DUSP22: variants seen among roughly 807,000 people sequenced by gnomAD.
The protein encoded by DUSP22 is dual specificity protein phosphatase 22.
A neutral mutation model predicts 24.5 loss-of-function variants in DUSP22; 24 were observed. The observed-to-expected ratio is 0.98, with a 90% CI of 0.71 to 1.38. DUSP22 has a LOEUF of 1.38. DUSP22 is among the 40% of genes most tolerant of loss of function. DUSP22 has a pLI of 0.00. For missense variants in DUSP22, 330 were observed against 269.2 expected (o/e 1.23, Z -1.58); for synonymous variants, 160 against 106.4 (o/e 1.50, Z -3.10).
intron 6 of DUSP22, 66 bp from the exon 7 acceptor site, chr6:348,703 C>G (rs1760006575): frequency 3.7e-6 from 6 of 1,601,092 alleles, no homozygotes; most frequent in South Asian, 1.1e-5. Flanking sequence ...GTCACAGGTG[C>G]AAGCCCACGT....
intron 1 of DUSP22, among the ~76,000 whole-genome samples, chr6:302,725 T>C (rs1757640973): frequency 6.6e-6 from 1 of 152,308 alleles, no homozygotes; most frequent in South Asian, 2.1e-4. Context: ...CTAGTGATTA[T>C]AACTGTAGAG....
Position 348,243 on chromosome 6 carries a change from T to G in DUSP22, c.404T>G (p.Leu135Arg). 1 of 1,614,312 alleles carries G rather than the reference T, an allele frequency of 6.2e-7. No homozygotes were observed. The highest frequency in any genetic ancestry group is 8.5e-7 in the Non-Finnish European group (1 of 1,180,060). Residue 135 changes from leucine to arginine, a missense_variant, in exon 6 of 7, where the codon CTC becomes CGC. Leu to Arg is a moderately radical substitution (Grantham distance 102). Transcript: ENST00000419235. ...ANPNVGFQRQ[L>R]QEFEKHEVHQ... The stretch of plus-strand genomic sequence containing the variant: ...CCCAACGTGGGCTTCCAGAGACAGC[T>G]CCAGGAGTTTGAGAAGCATGAGGTC...
intron 3 of DUSP22, among the ~76,000 whole-genome samples, chr6:314,721 T>C (rs1434762492): frequency 1.3e-5 from 2 of 152,302 alleles, no homozygotes; most frequent in Admixed American, 6.5e-5. Context: ...CGGGAGACAT[T>C]GTATGTGCTT....
At chr6:303,550 G>A (rs1757681548) in intron 1 of DUSP22, among the ~76,000 whole-genome samples, 1 of 152,308 alleles carries the variant, frequency 6.6e-6, no homozygotes, top group Non-Finnish European at 1.5e-5. Context: ...TTCCTCAGTG[G>A]GAGTGAAGGA....
chr6:296,180 C>T (rs1288690291), intron 1 of DUSP22, among the ~76,000 whole-genome samples: 1 of 152,304 alleles, frequency 6.6e-6, no homozygotes, highest in Non-Finnish European at 1.5e-5. Flanking sequence ...AGGCAAGAAA[C>T]TAAAACTTTT....
At chr6:309,417 C>T (rs928621449) in intron 2 of DUSP22, among the ~76,000 whole-genome samples, 13 of 152,286 alleles carry the variant, frequency 8.5e-5, no homozygotes, top group African/African-American at 1.9e-4. Context: ...ATTTGAAGCT[C>T]GAAAATTTGA....
intron 6 of DUSP22, 129 bp downstream of exon 6, chr6:348,403 G>C: frequency 6.9e-7 from 1 of 1,448,390 alleles, no homozygotes; most frequent in Non-Finnish European, 9.3e-7. Context: ...CGGCTCCCAG[G>C]GCGCCCAGCT....
intron 6 of DUSP22, 92 bp from the exon 7 acceptor site, chr6:348,677 C>T (rs1461384382): frequency 9.6e-6 from 15 of 1,566,424 alleles, no homozygotes; most frequent in Non-Finnish European, 1.0e-5. Context: ...ATGTGTGGCA[C>T]CATCTCTGTG....
At chr6:334,553 T>C (rs1759279784) in intron 3 of DUSP22, among the ~76,000 whole-genome samples, 1 of 152,306 alleles carries the variant, frequency 6.6e-6, no homozygotes, top group Non-Finnish European at 1.5e-5. Flanking sequence ...TTGTTTGATA[T>C]ATAAACCTTT....
chr6:349,390 G>A lies in DUSP22; in HGVS notation c.*439G>A, dbSNP rs1760068767. The A allele has an allele frequency of 2.0e-6, 2 of 1,022,290 alleles. No homozygotes were observed. Among genetic ancestry groups the A allele is most frequent in the Non-Finnish European group, 2.3e-6 (2 of 852,928 alleles). The allele number at this position is 1,022,290 out of a possible 1,614,324, so 63.3% of individuals were successfully genotyped here. ...TGGAAGTCACAGAATTCATATTGCT[G>A]CCCGGGTTGGTGTGGCCACCTTTCC... On this transcript the variant is annotated 3_prime_UTR_variant, in exon 7 of 7. Transcript: ENST00000419235.
intron 2 of DUSP22, among the ~76,000 whole-genome samples, chr6:310,793 C>A (rs1237485473): frequency 2.6e-5 from 4 of 152,308 alleles, no homozygotes; most frequent in Admixed American, 1.3e-4. Context: ...GACCTAAGGT[C>A]ATCTCTTACA....
Position 345,893 on chromosome 6 carries a change from G to T in DUSP22, c.228G>T (p.Glu76Asp), listed in dbSNP as rs145392896. The part of the protein sequence containing the change: ...HFKESIKFIH[E>D]CRLRGESCLV... ...AAGAAAGTATTAAATTCATTCACGA[G>T]TGCCGGCTCCGCGGTGAGAGCTGCC... The change falls in exon 5 of 7, where the codon GAG becomes GAT. Residue 76 changes from glutamate (E) to aspartate (D), a missense_variant. By Grantham distance (45) the Glu-to-Asp change is conservative. Coordinates refer to ENST00000419235, the MANE Select transcript of DUSP22 (RefSeq NM_001286555.3). 79 of 1,614,236 alleles carry T rather than the reference G, an allele frequency of 4.9e-5. No homozygotes were observed. In the African/African-American group the frequency reaches 9.7e-4, roughly 20 times the overall value.
At chr6:328,172 A>C (rs930485216) in intron 3 of DUSP22, among the ~76,000 whole-genome samples, 1 of 152,304 alleles carries the variant, frequency 6.6e-6, no homozygotes, top group African/African-American at 2.4e-5. Context: ...ACCTTCATTA[A>C]GTAATACCAC....
chr6:333,149 G>T (rs1297291657), intron 3 of DUSP22, among the ~76,000 whole-genome samples: 2 of 152,300 alleles, frequency 1.3e-5, no homozygotes, highest in African/African-American at 4.8e-5. Context: ...AGTGTTCCCA[G>T]CAGAGCACAG....
At chr6:303,466 G>A (rs540860642) in intron 1 of DUSP22, among the ~76,000 whole-genome samples, 60 of 152,404 alleles carry the variant, frequency 3.9e-4, no homozygotes, top group African/African-American at 1.3e-3. Context: ...GGTTTTTAGC[G>A]AGGCAGCCGG....
At chr6:292,635 G>C in intron 1 of DUSP22, 75 bp downstream of exon 1, 2 of 1,542,976 alleles carry the variant, frequency 1.3e-6, no homozygotes, top group East Asian at 2.5e-5. Flanking sequence ...TCGGCTGCCC[G>C]ACGACTCGAG....
chr6:332,770 G>T (rs1220499178), intron 3 of DUSP22, among the ~76,000 whole-genome samples: 6 of 152,114 alleles, frequency 3.9e-5, no homozygotes, highest in African/African-American at 1.4e-4. Flanking sequence ...AAGCTTCCTT[G>T]CCAGATGGAA....
intron 2 of DUSP22, among the ~76,000 whole-genome samples, chr6:307,630 C>G (rs1757869992): frequency 6.6e-6 from 1 of 152,300 alleles, no homozygotes; most frequent in Non-Finnish European, 1.5e-5. Context: ...CCTCCCTGGG[C>G]CGGAGGGTGG....
At chr6:339,416 CAAGTA>C (rs1264840516) in intron 4 of DUSP22, among the ~76,000 whole-genome samples, 1 of 152,302 alleles carries the variant, frequency 6.6e-6, no homozygotes, top group Non-Finnish European at 1.5e-5. Context: ...TCTGTCTATT[CAAGTA>C]AAGAGTATTA....
Sources: allele counts gnomAD v4.1 joint callset (sites outside exome capture counted in the v4.1 genomes callset), GRCh38; gene constraint gnomAD v4.1.1; transcripts MANE v1.5; gene names NCBI Gene and HGNC (gene_info 2026-07-23, HGNC 2026-07-21).